CDKAL1: variants seen among roughly 807,000 people sequenced by gnomAD.
CDKAL1 encodes threonylcarbamoyladenosine tRNA methylthiotransferase.
Under a neutral mutation model 68.2 loss-of-function variants are expected in CDKAL1, and 32 were observed. The ratio of observed to expected loss-of-function variants is 0.47; its 90% CI spans 0.35 to 0.63. The LOEUF is 0.63. Among genes scored for constraint, CDKAL1 ranks in the 30% least tolerant of loss-of-function variants. The pLI is 0.00. For missense variants in CDKAL1, 606 were observed against 696.7 expected (o/e 0.87, Z 1.47); for synonymous variants, 234 against 244.3 (o/e 0.96, Z 0.39).
At chr6:20,731,495 A>G (rs1176968599) in intron 5 of CDKAL1, among the ~76,000 whole-genome samples, 2 of 152,216 alleles carry the variant, frequency 1.3e-5, no homozygotes, top group African/African-American at 2.4e-5. Context: ...TTATGGGAAG[A>G]ACTGGAAGGA....
chr6:21,072,353 A>G (rs1028972064), intron 12 of CDKAL1, among the ~76,000 whole-genome samples: 1 of 152,118 alleles, frequency 6.6e-6, no homozygotes, highest in Non-Finnish European at 1.5e-5. Context: ...TAGCTTTTTC[A>G]TGTTTAAATA....
chr6:21,007,105 G>T (rs1767766998), intron 11 of CDKAL1, among the ~76,000 whole-genome samples: 1 of 151,966 alleles, frequency 6.6e-6, no homozygotes, highest in African/African-American at 2.4e-5. Context: ...TTTTTAATTT[G>T]CATTTTATAA....
chr6:20,787,745 A>G (rs1213809424), intron 8 of CDKAL1, among the ~76,000 whole-genome samples: 1 of 152,198 alleles, frequency 6.6e-6, no homozygotes, highest in Non-Finnish European at 1.5e-5. Flanking sequence ...TACTAACCAA[A>G]CTGTGTTCTG....
At chr6:20,967,278 A>G (rs1442324696) in intron 10 of CDKAL1, among the ~76,000 whole-genome samples, 1 of 152,152 alleles carries the variant, frequency 6.6e-6, no homozygotes, top group Admixed American at 6.5e-5. Flanking sequence ...TTACATTTAC[A>G]TCTTTTTAGG....
intron 4 of CDKAL1, among the ~76,000 whole-genome samples, chr6:20,624,756 A>G (rs1036785609): frequency 3.3e-5 from 5 of 152,114 alleles, no homozygotes; most frequent in African/African-American, 9.6e-5. Context: ...TTTTTACATA[A>G]GCTTCTGTAT....
chr6:21,137,182 C>T (rs1036308714), intron 13 of CDKAL1, among the ~76,000 whole-genome samples: 2 of 152,144 alleles, frequency 1.3e-5, no homozygotes, highest in South Asian at 2.1e-4. Context: ...ATCAGATTGA[C>T]AACGGAGAAA....
chr6:21,164,076 G>A (rs866705188), intron 13 of CDKAL1, among the ~76,000 whole-genome samples: 5 of 151,994 alleles, frequency 3.3e-5, no homozygotes, highest in Admixed American at 6.5e-5. Flanking sequence ...CCTAATTGTT[G>A]GTCTACTAAA....
chr6:21,043,538 C>T (rs1415330711), intron 11 of CDKAL1, among the ~76,000 whole-genome samples: 5 of 152,176 alleles, frequency 3.3e-5, no homozygotes, highest in Non-Finnish European at 7.4e-5. Flanking sequence ...TTGCAAAAAG[C>T]ATGCTAGGCT....
chr6:20,618,396 C>G (rs999974602), intron 4 of CDKAL1, among the ~76,000 whole-genome samples: 105 of 152,216 alleles, frequency 6.9e-4, no homozygotes, highest in African/African-American at 2.1e-3. Flanking sequence ...TTCTTTTGCT[C>G]TGCAGAAGCT....
intron 12 of CDKAL1, among the ~76,000 whole-genome samples, chr6:21,093,961 G>T (rs919404663): frequency 1.4e-5 from 2 of 146,444 alleles, no homozygotes; most frequent in African/African-American, 5.0e-5. Context: ...CAAACTTCTG[G>T]CCTCAAGCTA....
intron 11 of CDKAL1, among the ~76,000 whole-genome samples, chr6:21,041,377 TA>T (rs1191324438): frequency 1.3e-5 from 2 of 152,326 alleles, no homozygotes; most frequent in East Asian, 1.9e-4. Context: ...GCAGGTGTCC[TA>T]ACTAGTATGG....
chr6:21,220,232 G>A (rs73387999), intron 15 of CDKAL1, among the ~76,000 whole-genome samples: 5,411 of 152,180 alleles, frequency 0.036, 279 homozygotes, highest in African/African-American at 0.12. Flanking sequence ...GCGAGCACAT[G>A]TGCACTTGTC....
At chr6:20,704,631 A>T (rs1368320612) in intron 5 of CDKAL1, among the ~76,000 whole-genome samples, 1 of 152,216 alleles carries the variant, frequency 6.6e-6, no homozygotes, top group Non-Finnish European at 1.5e-5. Flanking sequence ...AAGCCACATG[A>T]GACCAAGCTA....
chr6:20,783,540 T>C (rs1469922235), intron 8 of CDKAL1, among the ~76,000 whole-genome samples: 2 of 152,166 alleles, frequency 1.3e-5, no homozygotes, highest in African/African-American at 4.8e-5. Flanking sequence ...CCCTGTAGGT[T>C]GAAGGGTTTT....
At chr6:20,875,496 G>T (rs9368247) in intron 9 of CDKAL1, among the ~76,000 whole-genome samples, 60,324 of 151,814 alleles carry the variant, frequency 0.4, 12,368 homozygotes, top group Non-Finnish European at 0.44. Context: ...GTTTCAGTAT[G>T]TACAGTTATA....
intron 5 of CDKAL1, among the ~76,000 whole-genome samples, chr6:20,698,709 T>G (rs1348588746): frequency 6.6e-6 from 1 of 152,170 alleles, no homozygotes; most frequent in Non-Finnish European, 1.5e-5. Flanking sequence ...AACTTTATTT[T>G]TAATATTTCA....
chr6:21,051,806 A>C (rs1770557223), intron 11 of CDKAL1, among the ~76,000 whole-genome samples: 1 of 152,234 alleles, frequency 6.6e-6, no homozygotes, highest in Non-Finnish European at 1.5e-5. Flanking sequence ...CTGAGCAATT[A>C]GTACATCTAT....
chr6:20,801,556 T>G (rs1482246410), intron 8 of CDKAL1, among the ~76,000 whole-genome samples: 4 of 152,166 alleles, frequency 2.6e-5, no homozygotes, highest in Admixed American at 2.6e-4. Flanking sequence ...CTCTAAATAC[T>G]ACATCAGACG....
chr6:20,993,095 C>A (rs1297472346), intron 10 of CDKAL1, among the ~76,000 whole-genome samples: 1 of 151,808 alleles, frequency 6.6e-6, no homozygotes, highest in Non-Finnish European at 1.5e-5. Context: ...GAGAAGGGTT[C>A]ATGAAATGAG....
Sources: gnomAD v4.1 joint callset for allele counts (sites outside exome capture counted in the v4.1 genomes callset) on GRCh38, gnomAD v4.1.1 for gene constraint, MANE v1.5 for transcripts, NCBI Gene and HGNC (gene_info 2026-07-23, HGNC 2026-07-21) for gene names.